Variants in LUZP2 observed in about 807,000 individuals in gnomAD.
LUZP2 encodes the protein leucine zipper protein 2.
In LUZP2, 52 loss-of-function variants were observed where a neutral mutation model predicts 51.6. The ratio of observed to expected loss-of-function variants is 1.01; its 90% CI spans 0.81 to 1.27. LUZP2 has a LOEUF of 1.27. LUZP2 is among the 50% of genes most tolerant of loss of function. The pLI is 0.00. For synonymous variants in LUZP2, 154 were observed against 137.3 expected (o/e 1.12, Z -0.85); for missense variants, 436 against 395.4 (o/e 1.10, Z -0.87).
intron 1 of LUZP2, among the ~76,000 whole-genome samples, chr11:24,644,028 G>GAAGT (rs748098415): frequency 3.3e-5 from 5 of 152,126 alleles, no homozygotes; most frequent in Non-Finnish European, 5.9e-5. Context: ...AAATATTCAG[G>GAAGT]AAGTTTTCAC....
intron 5 of LUZP2, among the ~76,000 whole-genome samples, chr11:24,800,572 C>A (rs12224602): frequency 6.0e-5 from 9 of 151,194 alleles, no homozygotes; most frequent in East Asian, 3.9e-4. Flanking sequence ...AACAAAAAAA[C>A]CCAAAAAACT....
chr11:24,923,568 A>G (rs1263133312), intron 7 of LUZP2, among the ~76,000 whole-genome samples: 2 of 152,030 alleles, frequency 1.3e-5, no homozygotes, highest in Admixed American at 1.3e-4. Flanking sequence ...TTGGTGGCGC[A>G]TGCCTGTAGT....
At chr11:24,983,094 A>G (rs1856085089) in intron 8 of LUZP2, 32 bp from the exon 9 acceptor site, 1 of 1,606,236 alleles carries the variant, frequency 6.2e-7, no homozygotes, top group Admixed American at 1.7e-5. Context: ...GCATAGCTAA[A>G]TGTAAATATG....
chr11:24,778,213 C>T (rs564507862), intron 5 of LUZP2, among the ~76,000 whole-genome samples: 85 of 151,840 alleles, frequency 5.6e-4, no homozygotes, highest in African/African-American at 2.0e-3. Context: ...CCAGCTTGGG[C>T]AACATAGTGA....
intron 9 of LUZP2, among the ~76,000 whole-genome samples, chr11:25,042,352 C>G (rs780094296): frequency 1.3e-5 from 2 of 151,844 alleles, no homozygotes; most frequent in South Asian, 4.2e-4. Context: ...GTTTTCATAA[C>G]GTTTAACATG....
intron 7 of LUZP2, among the ~76,000 whole-genome samples, chr11:24,917,264 T>G (rs1241175902): frequency 6.6e-6 from 1 of 152,166 alleles, no homozygotes. Context: ...TTGCAAAAAT[T>G]TTCTCCCATT....
intron 1 of LUZP2, among the ~76,000 whole-genome samples, chr11:24,537,321 T>C (rs1481484772): frequency 6.6e-6 from 1 of 151,790 alleles, no homozygotes; most frequent in East Asian, 1.9e-4. Flanking sequence ...CAAAATGAAA[T>C]AAAATGAGGT....
chr11:24,768,771 GGAGA>G (rs1394736803), intron 5 of LUZP2, among the ~76,000 whole-genome samples: 12 of 107,322 alleles, frequency 1.1e-4, no homozygotes, highest in Non-Finnish European at 2.5e-4. Flanking sequence ...GCAAGGATGT[GGAGA>G]AAGAACTGTT....
chr11:24,910,255 AAAG>A (rs1180992322), intron 6 of LUZP2, among the ~76,000 whole-genome samples: 2 of 152,224 alleles, frequency 1.3e-5, no homozygotes, highest in African/African-American at 4.8e-5. Flanking sequence ...CAATAAAAAA[AAAG>A]AAAGAAAACA....
At chr11:24,858,542 C>T (rs756588725) in intron 5 of LUZP2, among the ~76,000 whole-genome samples, 4 of 152,162 alleles carry the variant, frequency 2.6e-5, no homozygotes, top group Admixed American at 6.5e-5. Flanking sequence ...TGTATTTCTA[C>T]GGGCATTGAG....
Position 24,526,758 on chromosome 11 carries a change from A to C in LUZP2, c.62+29453A>C, listed in dbSNP as rs1318573490. ...ATACTTTTCATTTTTTCTGTGCTAG[A>C]CCTTTCTTTGATCTTTTTTTTGGTC... On this transcript the variant is annotated intron_variant, in intron 1 of 11. Transcript: ENST00000336930. 2.0e-5 allele frequency among the ~76,000 whole-genome samples: 3 copies of C among 151,076 alleles called. No homozygotes were observed. The East Asian group carries it at 5.9e-4, about 30-fold the overall frequency.
intron 9 of LUZP2, among the ~76,000 whole-genome samples, chr11:25,020,150 C>A (rs1167779294): frequency 6.6e-6 from 1 of 152,000 alleles, no homozygotes; most frequent in South Asian, 2.1e-4. Context: ...TTCACAGTAA[C>A]CTCCACTGTA....
At chr11:24,814,433 T>C (rs1378628409) in intron 5 of LUZP2, among the ~76,000 whole-genome samples, 3 of 152,182 alleles carry the variant, frequency 2.0e-5, no homozygotes. Flanking sequence ...AGACTATGTA[T>C]GTGGTCCTTG....
intron 1 of LUZP2, among the ~76,000 whole-genome samples, chr11:24,585,618 C>T (rs1355886754): frequency 6.6e-6 from 1 of 151,918 alleles, no homozygotes; most frequent in Non-Finnish European, 1.5e-5. Context: ...AACAAACCAA[C>T]CCACAAGAAC....
intron 5 of LUZP2, among the ~76,000 whole-genome samples, chr11:24,818,464 G>C (rs1334631289): frequency 1.3e-5 from 2 of 152,020 alleles, no homozygotes; most frequent in African/African-American, 4.8e-5. Context: ...CAGTGTCCTA[G>C]AGGTGGTATG....
At chr11:24,650,881 AG>A (rs1215876024) in intron 1 of LUZP2, among the ~76,000 whole-genome samples, 1 of 152,068 alleles carries the variant, frequency 6.6e-6, no homozygotes, top group African/African-American at 2.4e-5. Context: ...ACATTACCTT[AG>A]GCAGATTTCT....
intron 5 of LUZP2, among the ~76,000 whole-genome samples, chr11:24,795,392 G>C (rs1480543551): frequency 6.6e-6 from 1 of 151,942 alleles, no homozygotes; most frequent in Admixed American, 6.6e-5. Context: ...GATTCCTACA[G>C]CATTAAAACA....
intron 1 of LUZP2, among the ~76,000 whole-genome samples, chr11:24,547,246 A>G (rs186581775): frequency 3.3e-5 from 5 of 152,198 alleles, no homozygotes; most frequent in Admixed American, 3.3e-4. Flanking sequence ...ACTAAAAAAG[A>G]GTTCAAATTG....
Position 25,078,625 on chromosome 11 carries a change from A to C in LUZP2, c.1008A>C (p.Glu336Asp), listed in dbSNP as rs889372694. The change falls in exon 12 of 12, where the codon GAA (glutamate) becomes GAC (aspartate). Residue 336 changes from glutamate to aspartate, a missense_variant. Glu to Asp is a conservative substitution (Grantham distance 45). Coordinates refer to ENST00000336930, the MANE Select transcript of LUZP2 (RefSeq NM_001009909.4). ...CAGAAAAACCATTGACCAGCTTTGA[A>C]GGGATGGCAGCTAGAGAAGAAAAAA... ...KAPEKPLTSF[E>D]GMAAREEKIL The C allele has an allele frequency of 6.2e-7, 1 of 1,610,262 alleles. No individual in the cohort carries two copies. The highest frequency in any genetic ancestry group is 8.5e-7 in the Non-Finnish European group (1 of 1,179,272).
Sources: allele counts gnomAD v4.1 joint callset (sites outside exome capture counted in the v4.1 genomes callset), GRCh38; gene constraint gnomAD v4.1.1; transcripts MANE v1.5; gene names NCBI Gene and HGNC (gene_info 2026-07-23, HGNC 2026-07-21).